Variants in PLAT observed in about 807,000 individuals in gnomAD.
PLAT encodes the protein tissue-type plasminogen activator.
In PLAT, 48 loss-of-function variants were observed where a neutral mutation model predicts 74.9. That is an observed-to-expected ratio of 0.64 (90% CI 0.51 to 0.82). The LOEUF (loss-of-function observed/expected upper bound fraction) is 0.82. PLAT is among the 40% of genes least tolerant of loss of function. The probability of loss-of-function intolerance (pLI) is 0.00; values close to 1 mark genes in which losing one functional copy is unlikely to be tolerated. For synonymous variants in PLAT, 307 were observed against 294.4 expected (o/e 1.04, Z -0.44); for missense variants, 673 against 736.2 (o/e 0.91, Z 0.99).
rs767067726 is a variant in PLAT at position 42,180,035 on chromosome 8, G to A, written c.1254C>T (p.Arg418=). Residue 418 remains arginine (R), a synonymous_variant, in exon 12 of 14, where the codon CGC becomes CGT. Coordinates refer to ENST00000220809, the MANE Select transcript of PLAT (RefSeq NM_000930.5). ...ALLQLKSDSS[R]CAQESSVVRT... ...GGACCACGCTGCTCTCCTGGGCACA[G>A]CGGGACGAATCCGATTTCAGCTGCA... 4.3e-6 allele frequency: 7 copies of A among 1,609,622 alleles called. No individual in the cohort carries two copies. The Middle Eastern group carries it at 8.3e-4, about 190-fold the overall frequency.
rs1804901604 is a variant in PLAT at position 42,174,824 on chromosome 8, T to A, written c.*1169A>T. On this transcript the variant is annotated 3_prime_UTR_variant, in exon 14 of 14. Coordinates refer to ENST00000220809, the MANE Select transcript of PLAT (RefSeq NM_000930.5). The stretch of plus-strand genomic sequence containing the variant: ...GTTCACTTCAGACAAGCTCAACTCA[T>A]TTCTCCCTGTACTCCCCTCTCTTGG... 6.6e-6 allele frequency among the ~76,000 whole-genome samples: 1 copy of A among 152,146 alleles called. No individual in the cohort carries two copies. Among genetic ancestry groups the A allele is most frequent in the Non-Finnish European group, 1.5e-5 (1 of 68,026 alleles).
At chr8:42,204,000 C>T (rs937188245) in intron 1 of PLAT, among the ~76,000 whole-genome samples, 3,886 of 125,114 alleles carry the variant, frequency 0.031, 142 homozygotes, top group African/African-American at 0.09. Context: ...TATACACACA[C>T]ACACACACAC....
chr8:42,189,126 C>T, intron 3 of PLAT, 55 bp from the exon 4 acceptor site: 1 of 1,588,444 alleles, frequency 6.3e-7, no homozygotes. Flanking sequence ...TGAAATGCCT[C>T]ACTACCCTTG....
Position 42,182,902 on chromosome 8 carries a change from G to T in PLAT, c.632-12C>A, listed in dbSNP as rs764482600. 1.2e-6 allele frequency: 2 copies of T among 1,603,404 alleles called. No individual in the cohort carries two copies. Among genetic ancestry groups the T allele is most frequent in the South Asian group, 1.1e-5 (1 of 90,110 alleles). On this transcript the variant is annotated splice_polypyrimidine_tract_variant and intron_variant, in intron 7 of 13. Transcript: ENST00000220809. ...GCAGTCACTGTTTCCTAGAAGAAAA[G>T]AATTCTCAAACTGAAACAAAAACAA...
intron 1 of PLAT, among the ~76,000 whole-genome samples, chr8:42,204,022 CACACACAT>C (rs1251868390): frequency 2.7e-5 from 4 of 148,738 alleles, no homozygotes; most frequent in African/African-American, 5.1e-5. Flanking sequence ...CACACACACA[CACACACAT>C]ACAAACACAT....
intron 1 of PLAT, among the ~76,000 whole-genome samples, chr8:42,206,045 C>A (rs1318403070): frequency 6.6e-6 from 1 of 152,222 alleles, no homozygotes; most frequent in Non-Finnish European, 1.5e-5. Flanking sequence ...TATTCCCTGG[C>A]TGCCTGGACT....
chr8:42,198,687 T>G (rs8178705), intron 1 of PLAT, among the ~76,000 whole-genome samples: 5,843 of 152,278 alleles, frequency 0.038, 251 homozygotes, highest in African/African-American at 0.1. Flanking sequence ...AAACGTAAAT[T>G]GATACTATTA....
At chr8:42,188,908 C>T (rs752861246) in intron 4 of PLAT, 26 bp downstream of exon 4, 10 of 1,597,508 alleles carry the variant, frequency 6.3e-6, no homozygotes, top group South Asian at 3.3e-5. Flanking sequence ...CACAGGCATG[C>T]ACCACCTCCC....
chr8:42,186,157 T>G (rs1376502903), intron 6 of PLAT: 1 of 146,436 alleles, frequency 6.8e-6, no homozygotes, highest in Admixed American at 6.7e-5. Context: ...TGCAAAGTTT[T>G]TTTTTTTTTT....
intron 5 of PLAT, 109 bp downstream of exon 5, chr8:42,187,797 C>G: frequency 1.2e-6 from 1 of 843,814 alleles, no homozygotes; most frequent in Non-Finnish European, 2.0e-6. Context: ...CTTCCCTGTC[C>G]CTGGCCCCCA....
intron 6 of PLAT, chr8:42,185,674 G>A (rs1405614229): frequency 6.6e-6 from 1 of 152,418 alleles, no homozygotes; most frequent in Non-Finnish European, 1.5e-5. Context: ...ATGCACATGG[G>A]TGCCAAATTG....
chr8:42,185,086 G>C lies in PLAT; in HGVS notation c.626C>G (p.Ser209Cys). 1 of 1,602,248 alleles carries C rather than the reference G, an allele frequency of 6.2e-7. No homozygotes were observed. Residue 209 changes from serine to cysteine, a missense_variant, in exon 7 of 14, where the codon TCT becomes TGT. Physicochemically the swap from Ser to Cys is moderately radical, Grantham distance 112. Coordinates refer to ENST00000220809, the MANE Select transcript of PLAT (RefSeq NM_000930.5). The part of the protein sequence containing the change: ...SSEFCSTPAC[S>C]EGNSDCYFGN... ...GCGGGGTGGCTGCCACTTACCCTCA[G>C]AGCAGGCAGGGGTGCTGCAGAACTC...
chr8:42,199,460 T>C (rs1247621124), intron 1 of PLAT, among the ~76,000 whole-genome samples: 1 of 152,154 alleles, frequency 6.6e-6, no homozygotes, highest in Non-Finnish European at 1.5e-5. Flanking sequence ...ATAGAATATT[T>C]TCCTGGCAGA....
chr8:42,202,186 A>AT (rs113990683), intron 1 of PLAT, among the ~76,000 whole-genome samples: 6,835 of 140,492 alleles, frequency 0.049, 465 homozygotes, highest in African/African-American at 0.15. Flanking sequence ...TGTCTGGCTA[A>AT]TTTTTTTTTT....
chr8:42,183,062 T>C (rs1476032469), intron 7 of PLAT, among the ~76,000 whole-genome samples, 172 bp from the exon 8 acceptor site: 2 of 152,138 alleles, frequency 1.3e-5, no homozygotes, highest in Non-Finnish European at 2.9e-5. Flanking sequence ...TGGAGTGCAA[T>C]GCGCGATCTT....
At position 42,176,134 on chromosome 8, in the gene PLAT, G is replaced by C. The variant is rs746834940; in HGVS notation, c.1548C>G (p.Pro516=). Residue 516 remains proline, a synonymous_variant, in exon 14 of 14, where the codon CCC becomes CCG. Transcript: ENST00000220809. ...HDACQGDSGG[P]LVCLNDGRMT... ...TGCGGCCATCGTTCAGACACACCAG[G>C]GGGCCTCCCGAATCGCCCTGCAAAG... 1.2e-6 allele frequency: 2 copies of C among 1,613,698 alleles called. No individual in the cohort carries two copies. Among genetic ancestry groups the C allele is most frequent in the South Asian group, 2.2e-5 (2 of 90,996 alleles).
At chr8:42,207,052 G>A (rs1806368077) in intron 1 of PLAT, among the ~76,000 whole-genome samples, 1 of 152,170 alleles carries the variant, frequency 6.6e-6, no homozygotes, top group African/African-American at 2.4e-5. Flanking sequence ...GTTCCTTTCT[G>A]GGGGTTCATC....
chr8:42,178,804 T>C, intron 13 of PLAT, 93 bp downstream of exon 13: 1 of 1,217,790 alleles, frequency 8.2e-7, no homozygotes, highest in African/African-American at 1.5e-5. Context: ...CACTCCACTC[T>C]GGTGATAACT....
chr8:42,205,325 A>G (rs975736461), intron 1 of PLAT, among the ~76,000 whole-genome samples: 3 of 152,110 alleles, frequency 2.0e-5, no homozygotes, highest in African/African-American at 7.2e-5. Context: ...TCACGAGTTC[A>G]AGACCAGTCT....
Sources: allele counts gnomAD v4.1 joint callset (sites outside exome capture counted in the v4.1 genomes callset), GRCh38; gene constraint gnomAD v4.1.1; transcripts MANE v1.5; gene names NCBI Gene and HGNC (gene_info 2026-07-23, HGNC 2026-07-21).